ESS2: variants seen among roughly 807,000 people sequenced by gnomAD.
The protein encoded by ESS2 is ess-2 spliceosome associated protein.
Under a neutral mutation model 52.0 loss-of-function variants are expected in ESS2, and 31 were observed. The observed-to-expected ratio is 0.60, with a 90% CI of 0.45 to 0.81. The LOEUF is 0.81. Ranked by LOEUF, ESS2 falls within the 30% of genes least tolerant of loss-of-function variation. The pLI is 0.00. For missense variants in ESS2, 602 were observed against 637.2 expected, an observed-to-expected ratio of 0.94 and a Z score of 0.59; for synonymous variants, 285 against 259.2, an observed-to-expected ratio of 1.10 and a Z score of -0.95.
At chr22:19,144,195 G>A in intron 1 of ESS2, 1 of 1,134,380 alleles carries the variant, frequency 8.8e-7, no homozygotes, top group African/African-American at 1.6e-5. Flanking sequence ...CCGCTCTTTA[G>A]AAAGCCCTCT....
rs776080037 is a variant in ESS2, at chr22:19,139,736, T to C, written c.571-7A>G. The C allele has an allele frequency of 1.2e-6, 2 of 1,614,178 alleles. No homozygotes were observed. Among genetic ancestry groups the C allele is most frequent in the South Asian group, 1.1e-5 (1 of 91,086 alleles). ...CGAGATTATCTTTCTGCCTCTGCAA[T>C]CACATGGGGAAAAGTGATGGTCAGA... On this transcript the variant is annotated splice_region_variant and splice_polypyrimidine_tract_variant and intron_variant, in intron 4 of 9. Transcript: ENST00000252137.
In ESS2 at chr22:19,138,313, T is replaced by C; in HGVS notation, c.827A>G (p.Lys276Arg). ...QQAAALNAQH[K>R]QGKVGPDGKE... ...GCCATCGGGGCCCACCTTGCCCTGTTTGTGCTGGAACAAGCAGAGAGGCTG... is the reference window on the plus strand; with the variant it reads ...GCCATCGGGGCCCACCTTGCCCTGTCTGTGCTGGAACAAGCAGAGAGGCTG... The change falls in exon 7 of 10, where the codon AAA becomes AGA. Residue 276 changes from lysine (K) to arginine (R), a missense_variant. Transcript: ENST00000252137. The C allele has an allele frequency of 6.2e-7, 1 of 1,613,758 alleles. No homozygotes were observed. The highest frequency in any genetic ancestry group is 8.5e-7 in the Non-Finnish European group (1 of 1,179,834).
Position 19,132,758 on chromosome 22 carries a change from T to A in ESS2, c.*1438A>T, listed in dbSNP as rs2083523316. ...CTGGGACTCAGCCAACCGCCCCACC[T>A]GACACACAGTGGTCTCCGGCCTAGG... On this transcript the variant is annotated 3_prime_UTR_variant, in exon 10 of 10. Coordinates refer to ENST00000252137, the MANE Select transcript of ESS2 (RefSeq NM_022719.3). The surrounding 1 kb of genome is among the most constrained non-coding windows in gnomAD (Gnocchi z 4.2). The A allele has an allele frequency of 7.1e-6, 3 of 424,822 alleles. No individual in the cohort carries two copies. In the East Asian group the frequency reaches 1.5e-4, roughly 21 times the overall value. 26.3% of individuals were successfully genotyped at this position (424,822 alleles called of 1,614,324 possible).
intron 1 of ESS2, among the ~76,000 whole-genome samples, chr22:19,143,202 C>CA (rs10632625): frequency 0.88 from 99,719 of 112,968 alleles, 43,974 homozygotes; most frequent in East Asian, 0.93. Flanking sequence ...GAGACCGTCT[C>CA]AAAAAAAAAA....
chr22:19,138,259 C>T lies in ESS2; in HGVS notation c.881G>A (p.Arg294Gln), dbSNP rs148317214. ...GGCAACAAATCCAAATCCACCCACT[C>T]GAGGGGACTCCTGGGGGATCAGCTC... ...GKELIPQESP[R>Q]VGGFGFVATP... Residue 294 changes from arginine (R) to glutamine (Q), a missense_variant, in exon 7 of 10, where the codon CGA (arginine) becomes CAA (glutamine). Coordinates refer to ENST00000252137, the MANE Select transcript of ESS2 (RefSeq NM_022719.3). 54 of 1,614,000 alleles carry T rather than the reference C, an allele frequency of 3.3e-5. No individual in the cohort carries two copies. In the East Asian group the frequency reaches 6.9e-4, roughly 21 times the overall value.
chr22:19,142,364 A>T (rs2083701558), intron 3 of ESS2, among the ~76,000 whole-genome samples, 174 bp downstream of exon 3: 1 of 152,240 alleles, frequency 6.6e-6, no homozygotes, highest in South Asian at 2.1e-4. Context: ...AGCTGGACCC[A>T]GATGTTCTAC....
intron 3 of ESS2, among the ~76,000 whole-genome samples, chr22:19,140,410 G>A (rs1397327843): frequency 1.3e-5 from 2 of 152,128 alleles, no homozygotes; most frequent in South Asian, 2.1e-4. Context: ...CCAAATCCCT[G>A]GGGCTCTCCC....
In ESS2 at chr22:19,132,586, C is replaced by T. The variant is rs1364518344; in HGVS notation, c.*1610G>A. The stretch of plus-strand genomic sequence containing the variant: ...GTAGGATCTGAAGAAGGCACAGGTG[C>T]AAGTAAAATTCGTCAATTAAACCAC... On this transcript the variant is annotated 3_prime_UTR_variant, in exon 10 of 10. Transcript: ENST00000252137. This position sits in a 1 kb window ranked among gnomAD's most constrained non-coding sequence, Gnocchi z 4.2. 2.6e-6 allele frequency: 3 copies of T among 1,136,960 alleles called. No homozygotes were observed. The East Asian group carries it at 7.1e-5, about 27-fold the overall frequency. 70.4% of individuals were successfully genotyped at this position (1,136,960 alleles called of 1,614,324 possible). A position where few individuals can be genotyped will look rare whatever the true frequency, so the allele number is the denominator to read the frequency against.
At chr22:19,137,753 A>G in intron 7 of ESS2, 1 of 985,248 alleles carries the variant, frequency 1.0e-6, no homozygotes, top group Non-Finnish European at 1.2e-6. Context: ...CCCCAGGCAA[A>G]CCTGTGGTGC....
chr22:19,138,369 A>T, intron 6 of ESS2, 52 bp from the exon 7 acceptor site: 1 of 1,545,318 alleles, frequency 6.5e-7, no homozygotes, highest in Non-Finnish European at 8.9e-7. Flanking sequence ...CACGCTCGAC[A>T]GCTGGCCGGT....
chr22:19,143,202 C>CAA (rs10632625), intron 1 of ESS2, among the ~76,000 whole-genome samples: 5,732 of 112,276 alleles, frequency 0.051, 224 homozygotes, highest in Admixed American at 0.072. Flanking sequence ...GAGACCGTCT[C>CAA]AAAAAAAAAA....
rs761624454 is a variant in ESS2, at chr22:19,134,164, G to A, written c.*32C>T. On this transcript the variant is annotated 3_prime_UTR_variant, in exon 10 of 10. Coordinates refer to ENST00000252137, the MANE Select transcript of ESS2 (RefSeq NM_022719.3). ...TGTACAGCTGCCCTGCAGGCTCTGT[G>A]AAGCGTCTATGAGCCCAGCCCAGGC... The A allele has an allele frequency of 2.0e-6, 3 of 1,479,584 alleles. No individual in the cohort carries two copies. The Admixed American group carries it at 7.4e-5, about 36-fold the overall frequency. 91.7% of individuals were successfully genotyped at this position (1,479,584 alleles called of 1,614,324 possible).
At chr22:19,137,286 C>A in intron 8 of ESS2, 37 bp downstream of exon 8, 1 of 1,508,470 alleles carries the variant, frequency 6.6e-7, no homozygotes, top group Non-Finnish European at 9.1e-7. Flanking sequence ...AGGTGTCCAC[C>A]CCGGTCGCAC....
rs1220967134 is a variant in ESS2 at position 19,142,732 on chromosome 22, GC to G, written c.297del (p.Pro100HisfsTer4). 1 of 1,613,784 alleles carries G rather than the reference GC, an allele frequency of 6.2e-7. No homozygotes were observed. Among genetic ancestry groups the G allele is most frequent in the Non-Finnish European group, 8.5e-7 (1 of 1,179,808 alleles). On this transcript the variant is annotated frameshift_variant, in exon 2 of 10. Transcript: ENST00000252137. LOFTEE classifies it high-confidence loss of function. ...SALGKMSREP[P>X]PPYVTPATFE... ...ACCCACAGGGTCCTCATACAGGGTG[GC>G]GGGGGCTCCCGGGACATCTTGCCCA...
intron 6 of ESS2, 24 bp downstream of exon 6, chr22:19,139,135 G>C (rs749317495): frequency 1.9e-6 from 3 of 1,566,498 alleles, no homozygotes; most frequent in Non-Finnish European, 2.6e-6. Flanking sequence ...TGGCCCATGC[G>C]GCCCTGCTGA....
rs1476729028 is a variant in ESS2, at chr22:19,137,263, C to T, written c.1035+60G>A. ...AGTGCTCAGTCCTGAGCCACAGGCA[C>T]TCAGGGCTCCAGAGGTGTCCACCCC... is the stretch of plus-strand genomic sequence containing the variant. On this transcript the variant is annotated intron_variant, in intron 8 of 9. Transcript: ENST00000252137. The T allele has an allele frequency of 3.1e-6, 4 of 1,301,728 alleles. No homozygotes were observed. In the African/African-American group the frequency reaches 5.9e-5, roughly 19 times the overall value. The allele number at this position is 1,301,728 out of a possible 1,614,324, so 80.6% of individuals were successfully genotyped here.
intron 3 of ESS2, among the ~76,000 whole-genome samples, chr22:19,141,963 C>G (rs183600068): frequency 6.6e-6 from 1 of 152,148 alleles, no homozygotes; most frequent in African/African-American, 2.4e-5. Context: ...TTACTCCAGC[C>G]TGGGTGACAG....
At chr22:19,134,601 G>T in intron 9 of ESS2, 126 bp from the exon 10 acceptor site, 1 of 1,060,056 alleles carries the variant, frequency 9.4e-7, no homozygotes, top group Non-Finnish European at 1.3e-6. Flanking sequence ...GAGGAGGATG[G>T]TACTGCCAGC....
chr22:19,135,608 A>T (rs891953524), intron 8 of ESS2, among the ~76,000 whole-genome samples: 19 of 151,980 alleles, frequency 1.3e-4, no homozygotes, highest in Admixed American at 6.5e-4. Context: ...CAACTGTGCT[A>T]CGCTGTGCAC....
Sources: allele counts gnomAD v4.1 joint callset (sites outside exome capture counted in the v4.1 genomes callset), GRCh38; gene constraint gnomAD v4.1.1; non-coding constraint Gnocchi (gnomAD v3.1); transcripts MANE v1.5; gene names NCBI Gene and HGNC (gene_info 2026-07-23, HGNC 2026-07-21).